ZNF821: variants seen among roughly 807,000 people sequenced by gnomAD.
ZNF821 encodes the protein zinc finger protein 821.
A neutral mutation model predicts 44.3 loss-of-function variants in ZNF821; 16 were observed. That is an observed-to-expected ratio of 0.36 (90% CI 0.24 to 0.55). The LOEUF is 0.55. Among genes scored for constraint, ZNF821 ranks in the 20% least tolerant of loss-of-function variants. The pLI, the probability that ZNF821 is intolerant of heterozygous loss-of-function variation, is 0.86. For missense variants in ZNF821, 436 were observed against 547.6 expected, an observed-to-expected ratio of 0.80 and a Z score of 2.03; for synonymous variants, 204 against 197.6, an observed-to-expected ratio of 1.03 and a Z score of -0.27.
intron 1 of ZNF821, among the ~76,000 whole-genome samples, chr16:71,893,047 T>TTTTTTTTTTGG (rs71153679): frequency 7.3e-6 from 1 of 136,070 alleles, no homozygotes; most frequent in Non-Finnish European, 1.6e-5. Flanking sequence ...TTTTTTTTTT[T>TTTTTTTTTTGG]GAGATATAGT....
In ZNF821 at chr16:71,879,998, T is replaced by A; in HGVS notation, c.-52A>T. On this transcript the variant is annotated 5_prime_UTR_variant, in exon 3 of 8. Coordinates refer to ENST00000425432, the MANE Select transcript of ZNF821 (RefSeq NM_001201552.2). ...TTTCCCAGTTTCACGACTGGATATG[T>A]TACTACCTCCTTGCAAGATGCTAAC... 1 of 1,565,762 alleles carries A rather than the reference T, an allele frequency of 6.4e-7. No homozygotes were observed. The highest frequency in any genetic ancestry group is 8.8e-7 in the Non-Finnish European group (1 of 1,142,802).
upstream of ZNF821, among the ~76,000 whole-genome samples, chr16:71,888,370 C>T (rs1052800523): frequency 6.6e-6 from 1 of 152,072 alleles, no homozygotes; most frequent in Non-Finnish European, 1.5e-5. Context: ...TGAAAATTTA[C>T]ACCTATGTTT....
rs536623638 is a variant in ZNF821, at chr16:71,880,115, G to T, written c.-77-92C>A. ...AAAATGTCCTTAAAAAACAGCTCCT[G>T]AGCATATAAAACTCACCAGTTATAA... On this transcript the variant is annotated intron_variant, in intron 2 of 7. Coordinates refer to ENST00000425432, the MANE Select transcript of ZNF821 (RefSeq NM_001201552.2). The T allele has an allele frequency of 7.2e-6, 4 of 555,212 alleles. No individual in the cohort carries two copies. The South Asian group carries it at 9.1e-5, about 13-fold the overall frequency. 34.4% of individuals were successfully genotyped at this position (555,212 alleles called of 1,614,324 possible).
chr16:71,891,753 T>G lies in ZNF821; in HGVS notation n.448+3136A>C, dbSNP rs370356332. 1.6e-4 allele frequency among the ~76,000 whole-genome samples: 24 copies of G among 152,260 alleles called. 1 individual carries two copies. Among genetic ancestry groups the G allele is most frequent in the Admixed American group, 9.8e-4 (15 of 15,300 alleles). On this transcript the variant is annotated intron_variant and non_coding_transcript_variant, in intron 1 of 2. Transcript: ENST00000561700. The stretch of plus-strand genomic sequence containing the variant: ...GGCCAAGCGTGGTGTCCCACGCCTT[T>G]AATCCCAGCACTTTAGGAGGCTGAG...
rs969417009 is a variant in ZNF821, at chr16:71,860,941, C to T, written c.585-269G>A. ...TGCAATCTCAGCTCACTGCAACCTC[C>T]GCCTCCTAGGTTCAAGCCATTCTCC... On this transcript the variant is annotated intron_variant, in intron 7 of 7. Coordinates refer to ENST00000425432, the MANE Select transcript of ZNF821 (RefSeq NM_001201552.2). The surrounding 1 kb of genome is among the most constrained non-coding windows in gnomAD (Gnocchi z 7.3). 6.6e-6 allele frequency among the ~76,000 whole-genome samples: 1 copy of T among 151,900 alleles called. No individual in the cohort carries two copies. The highest frequency in any genetic ancestry group is 1.5e-5 in the Non-Finnish European group (1 of 67,982).
chr16:71,888,015 T>C (rs899595416), upstream of ZNF821, among the ~76,000 whole-genome samples: 1 of 151,832 alleles, frequency 6.6e-6, no homozygotes, highest in Non-Finnish European at 1.5e-5. Context: ...GGCATGCCCT[T>C]ACAGGCACAC....
At chr16:71,868,239 C>A (rs2288031) in intron 3 of ZNF821, among the ~76,000 whole-genome samples, 109,996 of 152,114 alleles carry the variant, frequency 0.72, 40,429 homozygotes, top group East Asian at 0.98. Flanking sequence ...ATGCTCTAGA[C>A]AGCATCACTT....
chr16:71,861,162 A>G (rs559417585), intron 7 of ZNF821, among the ~76,000 whole-genome samples: 45 of 152,234 alleles, frequency 3.0e-4, no homozygotes, highest in African/African-American at 1.1e-3. Flanking sequence ...CCGGGTGTCT[A>G]CCAACTCTAA....
intron 4 of ZNF821, among the ~76,000 whole-genome samples, chr16:71,867,265 TTTTTC>T (rs2034653027): frequency 6.6e-6 from 1 of 152,304 alleles, no homozygotes; most frequent in South Asian, 2.1e-4. Flanking sequence ...ACAGGGATTT[TTTTTC>T]TTTTCATTTG....
At chr16:71,878,835 G>A (rs1440804934) in intron 3 of ZNF821, among the ~76,000 whole-genome samples, 1 of 151,704 alleles carries the variant, frequency 6.6e-6, no homozygotes, top group South Asian at 2.1e-4. Context: ...GCAGGTTGCA[G>A]CAGGAGAATT....
intron 7 of ZNF821, among the ~76,000 whole-genome samples, chr16:71,861,439 C>G (rs1339128243): frequency 1.3e-5 from 2 of 152,224 alleles, no homozygotes; most frequent in Non-Finnish European, 2.9e-5. Flanking sequence ...ACACAACGTT[C>G]CAGTCTTCCT....
At chr16:71,882,495 T>G (rs75567572) in intron 2 of ZNF821, among the ~76,000 whole-genome samples, 261 of 152,198 alleles carry the variant, frequency 1.7e-3, no homozygotes, top group Non-Finnish European at 2.6e-3. Context: ...AGACAACATT[T>G]CAATATTAAA....
At chr16:71,890,328 C>T (rs1428660439) in intron 1 of ZNF821, among the ~76,000 whole-genome samples, 1 of 151,550 alleles carries the variant, frequency 6.6e-6, no homozygotes, top group Non-Finnish European at 1.5e-5. Flanking sequence ...AACTCTATGC[C>T]CATCATCTTT....
upstream of ZNF821, among the ~76,000 whole-genome samples, chr16:71,886,631 T>A (rs1268028819): frequency 6.6e-6 from 1 of 152,230 alleles, no homozygotes; most frequent in Non-Finnish European, 1.5e-5. Context: ...GGTAGGAGGA[T>A]TTTAAGAACC....
intron 3 of ZNF821, among the ~76,000 whole-genome samples, chr16:71,870,454 C>CT (rs1163589520): frequency 2.0e-5 from 3 of 148,576 alleles, no homozygotes; most frequent in Non-Finnish European, 3.0e-5. Context: ...GCTGGTTACA[C>CT]TGCACCAGGA....
In ZNF821 at chr16:71,879,955, G is replaced by A; in HGVS notation, c.-9C>T. 6.2e-7 allele frequency: 1 copy of A among 1,613,094 alleles called. No homozygotes were observed. The highest frequency in any genetic ancestry group is 8.5e-7 in the Non-Finnish European group (1 of 1,179,572). Reference sequence around the variant, plus strand: ...TGTTTCCGACGGGACATGTTTCCCTGATGCAAGAGCTCTGGTCTTTCCCAG... The same window carrying A: ...TGTTTCCGACGGGACATGTTTCCCTAATGCAAGAGCTCTGGTCTTTCCCAG... On this transcript the variant is annotated 5_prime_UTR_variant, in exon 3 of 8. Coordinates refer to ENST00000425432, the MANE Select transcript of ZNF821 (RefSeq NM_001201552.2).
At position 71,859,987 on chromosome 16, in the gene ZNF821, G is replaced by T; in HGVS notation, c.*31C>A. On this transcript the variant is annotated 3_prime_UTR_variant, in exon 8 of 8. Transcript: ENST00000425432. ...TGGGTGTGGGTGGGTGGGTAGGTAGGTGGGAAGGAGGGCAGGCAGGAGGGT... is the reference window on the plus strand; with the variant it reads ...TGGGTGTGGGTGGGTGGGTAGGTAGTTGGGAAGGAGGGCAGGCAGGAGGGT... The T allele has an allele frequency of 1.3e-6, 2 of 1,532,150 alleles. No individual in the cohort carries two copies. Among genetic ancestry groups the T allele is most frequent in the Non-Finnish European group, 8.8e-7 (1 of 1,142,744 alleles). The allele number at this position is 1,532,150 out of a possible 1,614,324, so 94.9% of individuals were successfully genotyped here.
chr16:71,862,084 A>G, intron 6 of ZNF821, 142 bp from the exon 7 acceptor site: 1 of 979,648 alleles, frequency 1.0e-6, no homozygotes, highest in Non-Finnish European at 1.5e-6. Context: ...GCCCCTAGAA[A>G]AGTCAGTCTC....
chr16:71,879,779 A>G (rs1210499160), intron 3 of ZNF821, 128 bp downstream of exon 3: 12 of 895,484 alleles, frequency 1.3e-5, no homozygotes, highest in Non-Finnish European at 2.0e-5. Context: ...TCTGCTCAGC[A>G]AACTGTGTTT....
Sources: allele counts gnomAD v4.1 joint callset (sites outside exome capture counted in the v4.1 genomes callset), GRCh38; gene constraint gnomAD v4.1.1; non-coding constraint Gnocchi (gnomAD v3.1); transcripts MANE v1.5; gene names NCBI Gene and HGNC (gene_info 2026-07-23, HGNC 2026-07-21).